The following GSTA2 variants were observed in gnomAD, a reference collection of about 807,000 sequenced individuals.
GSTA2 encodes glutathione S-transferase alpha 2, also known as glutathione S-transferase A2.
Under a neutral mutation model 22.4 loss-of-function variants are expected in GSTA2, and 27 were observed. The ratio of observed to expected loss-of-function variants is 1.21; its 90% CI spans 0.89 to 1.67. GSTA2 has a LOEUF of 1.67. Among genes scored for constraint, GSTA2 ranks in the 40% most tolerant of loss-of-function variants. The probability of loss-of-function intolerance (pLI) is 0.00; values close to 1 mark genes in which losing one functional copy is unlikely to be tolerated. For synonymous variants in GSTA2, 121 were observed against 86.8 expected (o/e 1.39, Z -2.19); for missense variants, 302 against 260.2 (o/e 1.16, Z -1.11).
rs373970440 is a variant in GSTA2 at position 52,758,398 on chromosome 6, C to A, written c.-30-421G>T. 4.6e-5 allele frequency among the ~76,000 whole-genome samples: 7 copies of A among 151,898 alleles called. No individual in the cohort carries two copies. In the East Asian group the frequency reaches 5.8e-4, roughly 13 times the overall value. On this transcript the variant is annotated intron_variant, in intron 1 of 6. Transcript: ENST00000493422. ...CATGAAATGATTATCTCCATTTTTT[C>A]GTTAATGAAATGGAACATCAGAGAA...
At chr6:52,750,755 C>G in intron 6 of GSTA2, 56 bp from the exon 7 acceptor site, 2 of 1,596,066 alleles carry the variant, frequency 1.3e-6, no homozygotes, top group Non-Finnish European at 1.7e-6. Flanking sequence ...CTGACACCCC[C>G]ATTAACATGA....
intron 6 of GSTA2, 35 bp from the exon 7 acceptor site, chr6:52,750,734 C>G: frequency 6.2e-7 from 1 of 1,609,848 alleles, no homozygotes; most frequent in Non-Finnish European, 8.5e-7. Flanking sequence ...ACTAAAACAA[C>G]AAGTCAAGGG....
chr6:52,750,801 G>A, intron 6 of GSTA2, 102 bp from the exon 7 acceptor site: 2 of 1,451,890 alleles, frequency 1.4e-6, no homozygotes, highest in Admixed American at 2.1e-5. Flanking sequence ...CAAAGACCAA[G>A]TGAGTCGCTT....
chr6:52,751,582 G>T lies in GSTA2; in HGVS notation c.541C>A (p.Leu181Met), dbSNP rs1762737038. The T allele has an allele frequency of 6.2e-7, 1 of 1,614,072 alleles. No individual in the cohort carries two copies. The highest frequency in any genetic ancestry group is 8.5e-7 in the Non-Finnish European group (1 of 1,179,972). The part of the protein sequence containing the change: ...DSSLISSFPL[L>M]KALKTRISNL... ...AAGACTGTGAAATGGGTCACCTTCA[G>T]CAGAGGGAAGCTGGAAATAAGGCTA... The change falls in exon 6 of 7, where the codon CTG (leucine) becomes ATG (methionine). Residue 181 changes from leucine to methionine, a missense_variant. Physicochemically the swap from Leu to Met is conservative, Grantham distance 15 (BLOSUM62 2). Coordinates refer to ENST00000493422, the MANE Select transcript of GSTA2 (RefSeq NM_000846.5).
rs769333289 is a variant in GSTA2, at chr6:52,752,938, G to C, written c.330C>G (p.Pro110=). The change falls in exon 5 of 7, where the codon CCC becomes CCG. Residue 110 remains proline (P), a synonymous_variant. Coordinates refer to ENST00000493422, the MANE Select transcript of GSTA2 (RefSeq NM_000846.5). ...ADLGEMILLL[P]FSQPEEQDAK... is the part of the protein sequence containing the mutation. ...CATCTTGTTCCTCAGGTTGACTAAA[G>C]GGCAGAAGAAGGATCATTTCACCCA... 5.6e-6 allele frequency: 9 copies of C among 1,613,704 alleles called. 1 individual carries two copies. The highest frequency in any genetic ancestry group is 1.6e-4 in the Middle Eastern group (1 of 6,078).
At chr6:52,758,042 A>T (rs1762881620) in intron 1 of GSTA2, 65 bp from the exon 2 acceptor site, 1 of 997,526 alleles carries the variant, frequency 1.0e-6, no homozygotes, top group Non-Finnish European at 1.6e-6. Context: ...GTACTTTAGG[A>T]TGTATGGTTG....
At chr6:52,750,728 AAAC>A (rs1291621973) in intron 6 of GSTA2, 29 bp from the exon 7 acceptor site, 5 of 1,610,402 alleles carry the variant, frequency 3.1e-6, no homozygotes, top group African/African-American at 1.3e-5. Flanking sequence ...AGCCTCACTA[AAAC>A]AACAAGTCAA....
intron 1 of GSTA2, among the ~76,000 whole-genome samples, chr6:52,759,549 T>C (rs1350425438): frequency 6.9e-6 from 1 of 144,024 alleles, no homozygotes; most frequent in African/African-American, 2.5e-5. Flanking sequence ...CTTTAACAAC[T>C]AATGTATTTA....
rs115929428 is a variant in GSTA2 at position 52,753,248 on chromosome 6, G to T, written c.273-253C>A. Among the ~76,000 whole-genome samples, 592 of 152,126 alleles carry T rather than the reference G, an allele frequency of 3.9e-3. 4 individuals are homozygous for T. The highest frequency in any genetic ancestry group is 0.013 in the African/African-American group (558 of 41,492). ...GATAGCTCTCTAAATTTTGTTACAC[G>T]CATGACCTAATACAGGAAGAAGATC... On this transcript the variant is annotated intron_variant, in intron 4 of 6. Coordinates refer to ENST00000493422, the MANE Select transcript of GSTA2 (RefSeq NM_000846.5).
rs758675985 is a variant in GSTA2 at position 52,754,990 on chromosome 6, A to T, written c.225T>A (p.Ile75=). Residue 75 remains isoleucine (I), a synonymous_variant, in exon 4 of 7, where the codon ATT becomes ATA. Transcript: ENST00000493422. ...LVQTRAILNY[I]ASKYNLYGKD... ...TCCCATAGAGGTTGTATTTGCTGGC[A>T]ATGTAGTTGAGAATGGCTCTGGTCT... 6.2e-7 allele frequency: 1 copy of T among 1,614,140 alleles called. No individual in the cohort carries two copies. Among genetic ancestry groups the T allele is most frequent in the East Asian group, 2.2e-5 (1 of 44,884 alleles).
intron 5 of GSTA2, among the ~76,000 whole-genome samples, chr6:52,752,179 TCTC>T (rs1359553340): frequency 6.6e-6 from 1 of 152,186 alleles, no homozygotes; most frequent in Non-Finnish European, 1.5e-5. Context: ...CCTTGTCTGT[TCTC>T]CTCATTCCCT....
At chr6:52,763,252 T>G (rs1185113614) in intron 1 of GSTA2, among the ~76,000 whole-genome samples, 192 bp downstream of exon 1, 1 of 152,218 alleles carries the variant, frequency 6.6e-6, no homozygotes, top group Non-Finnish European at 1.5e-5. Flanking sequence ...CATTTTTACA[T>G]TTCTGTAAAG....
rs1762716063 is a variant in GSTA2, at chr6:52,750,543, G to A, written c.*34C>T. On this transcript the variant is annotated 3_prime_UTR_variant, in exon 7 of 7. Transcript: ENST00000493422. ...ATTGTTGCAAAACTTTAGAATACTG[G>A]TCTTGCATGTTCTTGACCTCTATGG... The A allele has an allele frequency of 6.2e-7, 1 of 1,608,816 alleles. No homozygotes were observed. The highest frequency in any genetic ancestry group is 8.5e-7 in the Non-Finnish European group (1 of 1,176,464).
rs754197568 is a variant in GSTA2, at chr6:52,750,672, G to A, written c.574C>T (p.Pro192Ser). Reference sequence around the variant, plus strand: ...GGCTGTAGAAACTTCTTCACTGTGGGCAGGTTACTGATTCTGGTTTTCAGG... The same window carrying A: ...GGCTGTAGAAACTTCTTCACTGTGGACAGGTTACTGATTCTGGTTTTCAGG... The part of the protein sequence containing the change: ...KALKTRISNL[P>S]TVKKFLQPGS... The change falls in exon 7 of 7, where the codon CCC (proline) becomes TCC (serine). Residue 192 changes from proline to serine, a missense_variant. Coordinates refer to ENST00000493422, the MANE Select transcript of GSTA2 (RefSeq NM_000846.5). The A allele has an allele frequency of 6.8e-6, 11 of 1,613,066 alleles. No homozygotes were observed. Among genetic ancestry groups the A allele is most frequent in the Non-Finnish European group, 7.6e-6 (9 of 1,179,804 alleles).
At chr6:52,760,868 A>G (rs2127290973) in intron 1 of GSTA2, among the ~76,000 whole-genome samples, 1 of 152,298 alleles carries the variant, frequency 6.6e-6, no homozygotes, top group Admixed American at 6.5e-5. Context: ...TGAGTTGAGG[A>G]CTAGTGTAAT....
At position 52,752,985 on chromosome 6, in the gene GSTA2, A is replaced by G. The variant is rs756208541; in HGVS notation, c.283T>C (p.Tyr95His). 3.7e-6 allele frequency: 6 copies of G among 1,603,012 alleles called. No individual in the cohort carries two copies. The highest frequency in any genetic ancestry group is 1.3e-5 in the African/African-American group (1 of 74,490). ...CCCAAATCTGCTATACCTTCTATAT[A>G]CATATCAATCCTGAAAGACAAAAAC... The part of the protein sequence containing the change: ...DIKEKALIDM[Y>H]IEGIADLGEM... Residue 95 changes from tyrosine (Y) to histidine (H), a missense_variant, in exon 5 of 7, where the codon TAT (tyrosine) becomes CAT (histidine). Tyr to His is a moderately conservative substitution (Grantham distance 83). Transcript: ENST00000493422.
rs776971683 is a variant in GSTA2, at chr6:52,751,691, T to G, written c.432A>C (p.Gly144=). The G allele has an allele frequency of 6.2e-7, 1 of 1,614,034 alleles. No homozygotes were observed. Among genetic ancestry groups the G allele is most frequent in the East Asian group, 2.2e-5 (1 of 44,892 alleles). ...PAFEKVLKSH[G]QDYLVGNKLS... ...GCTTGTTGCCAACAAGGTAGTCTTG[T>G]CCGTGGCTCTTTAAGACCTGGAGAA... Residue 144 remains glycine, a synonymous_variant, in exon 6 of 7, where the codon GGA becomes GGC. Coordinates refer to ENST00000493422, the MANE Select transcript of GSTA2 (RefSeq NM_000846.5).
chr6:52,750,784 C>T (rs1296904079), intron 6 of GSTA2, 85 bp from the exon 7 acceptor site: 1 of 1,537,444 alleles, frequency 6.5e-7, no homozygotes, highest in Non-Finnish European at 8.8e-7. Context: ...ATCTGAGTCC[C>T]TCCTGCCAAA....
rs1762766801 is a variant in GSTA2 at position 52,752,791 on chromosome 6, A to C, written c.414+63T>G. 8 of 1,601,168 alleles carry C rather than the reference A, an allele frequency of 5.0e-6. No individual in the cohort carries two copies. The East Asian group carries it at 1.8e-4, about 36-fold the overall frequency. On this transcript the variant is annotated intron_variant, in intron 5 of 6. Transcript: ENST00000493422. ...GAAGATCAGTGCCCCAGGAATGCCC[A>C]GCCACTATTTTTCTACTGGCTTCTA...
Sources: allele counts gnomAD v4.1 joint callset (sites outside exome capture counted in the v4.1 genomes callset), GRCh38; gene constraint gnomAD v4.1.1; transcripts MANE v1.5; gene names NCBI Gene and HGNC (gene_info 2026-07-23, HGNC 2026-07-21).